Variants in KMT2C observed in about 807,000 individuals in gnomAD.
KMT2C encodes the protein histone-lysine N-methyltransferase 2C.
In KMT2C, 88 loss-of-function variants were observed where a neutral mutation model predicts 507.9. The ratio of observed to expected loss-of-function variants is 0.17; its 90% CI spans 0.15 to 0.21. The LOEUF (loss-of-function observed/expected upper bound fraction) is 0.21. KMT2C is among the 10% of genes least tolerant of loss of function. KMT2C has a pLI of 1.00. For missense variants in KMT2C, 4,954 were observed against 5,957.8 expected (o/e 0.83, Z 5.55); for synonymous variants, 2,049 against 2,080.8 (o/e 0.98, Z 0.42).
At chr7:152,311,720 T>G (rs541603861) in intron 5 of KMT2C, 78 bp downstream of exon 5, 1 of 1,004,442 alleles carries the variant, frequency 1.0e-6, no homozygotes, top group East Asian at 2.5e-5. Flanking sequence ...GTATTTATTA[T>G]TGAGGACATT....
At chr7:152,430,483 A>T (rs1015894596) in intron 1 of KMT2C, among the ~76,000 whole-genome samples, 1 of 152,212 alleles carries the variant, frequency 6.6e-6, no homozygotes, top group Non-Finnish European at 1.5e-5. Context: ...ATCACAACCT[A>T]ACGAGGGTAT....
chr7:152,255,112 TATA>T (rs1563605185), intron 9 of KMT2C, among the ~76,000 whole-genome samples: 1 of 69,122 alleles, frequency 1.4e-5, no homozygotes, highest in African/African-American at 1.3e-4. Context: ...CTCTCACTTA[TATA>T]TATATATATA....
At position 152,182,051 on chromosome 7, in the gene KMT2C, G is replaced by C. The variant is rs374061571; in HGVS notation, c.5809C>G (p.Gln1937Glu). Residue 1937 changes from glutamine to glutamate, a missense_variant, in exon 36 of 59, where the codon CAA becomes GAA. By Grantham distance (29) the Gln-to-Glu change is conservative. Transcript: ENST00000262189. ...CTATTTGCTGTTGTCTCATTCATTT[G>C]AAGGGGCCTAGATACCGATGATAAA... Reference protein sequence around the residue: ...TPLSSVSRPLQMNETTANRPS... With the variant: ...TPLSSVSRPLEMNETTANRPS... 3.1e-6 allele frequency: 5 copies of C among 1,614,182 alleles called. No homozygotes were observed. Among genetic ancestry groups the C allele is most frequent in the Non-Finnish European group, 4.2e-6 (5 of 1,180,032 alleles).
rs59181675 is a variant in KMT2C, at chr7:152,377,734, C to CAAAAAA, written c.162-19065_162-19060dup. The stretch of plus-strand genomic sequence containing the variant: ...AGGGCGACAAAGCGAGACTCCGTCT[C>CAAAAAA]AAAAAAAAAAAAAAAAAAAAGTGAT... On this transcript the variant is annotated intron_variant, in intron 1 of 58. Coordinates refer to ENST00000262189, the MANE Select transcript of KMT2C (RefSeq NM_170606.3). Among the ~76,000 whole-genome samples, 168 of 62,602 alleles carry CAAAAAA rather than the reference C, an allele frequency of 2.7e-3. 6 individuals are homozygous for CAAAAAA. The highest frequency in any genetic ancestry group is 6.8e-3 in the African/African-American group (142 of 20,764). The allele number at this position is 62,602 out of a possible 152,430, so 41.1% of individuals were successfully genotyped here. A position where few individuals can be genotyped will look rare whatever the true frequency, so the allele number is the denominator to read the frequency against.
intron 52 of KMT2C, among the ~76,000 whole-genome samples, chr7:152,147,723 A>AAAAAAGAAAAAG (rs893257742): frequency 7.5e-6 from 1 of 133,926 alleles, no homozygotes. Context: ...AAAAAAAAAA[A>AAAAAAGAAAAAG]AAAAAGAAAA....
intron 16 of KMT2C, among the ~76,000 whole-genome samples, chr7:152,232,764 C>G (rs941352797): frequency 6.7e-6 from 1 of 149,050 alleles, no homozygotes; most frequent in Admixed American, 6.6e-5. Flanking sequence ...AAAGTAGAAT[C>G]ATCATCATCA....
At position 152,303,108 on chromosome 7, in the gene KMT2C, CA is replaced by C. The variant is rs933387958; in HGVS notation, c.849+6857del. On this transcript the variant is annotated intron_variant, in intron 6 of 58. Transcript: ENST00000262189. ...AAAAACGACGTTACCCTTCCTGAAA[CA>C]CAGATTCACTGTTTGCCATGTTCTT... 2.6e-4 allele frequency among the ~76,000 whole-genome samples: 40 copies of C among 152,132 alleles called. 1 individual carries two copies. The highest frequency in any genetic ancestry group is 2.6e-3 in the Admixed American group (40 of 15,280).
chr7:152,267,203 C>A, intron 7 of KMT2C, among the ~76,000 whole-genome samples: 1 of 152,258 alleles, frequency 6.6e-6, no homozygotes. Flanking sequence ...ACTCTCATGC[C>A]ATAAAATGCC....
chr7:152,314,408 C>T (rs1258215447), intron 4 of KMT2C, among the ~76,000 whole-genome samples: 1 of 152,038 alleles, frequency 6.6e-6, no homozygotes, highest in South Asian at 2.1e-4. Context: ...CCAGCACAGC[C>T]AAGTCTCCAT....
intron 6 of KMT2C, among the ~76,000 whole-genome samples, chr7:152,295,269 A>G (rs529493090): frequency 6.6e-6 from 1 of 152,330 alleles, no homozygotes; most frequent in African/African-American, 2.4e-5. Context: ...GGCTGGGGGA[A>G]TTTAGATCAT....
chr7:152,283,112 C>T (rs958016601), intron 6 of KMT2C, among the ~76,000 whole-genome samples: 1 of 152,262 alleles, frequency 6.6e-6, no homozygotes, highest in African/African-American at 2.4e-5. Context: ...GATATCTGTC[C>T]TTAGCCAAAA....
intron 1 of KMT2C, among the ~76,000 whole-genome samples, chr7:152,382,447 T>A (rs892725338): frequency 6.6e-6 from 1 of 152,114 alleles, no homozygotes; most frequent in Non-Finnish European, 1.5e-5. Flanking sequence ...CAGTCACCAT[T>A]ACCTGCCCTT....
At chr7:152,376,250 C>T (rs1451843995) in intron 1 of KMT2C, among the ~76,000 whole-genome samples, 1 of 152,204 alleles carries the variant, frequency 6.6e-6, no homozygotes, top group Admixed American at 6.5e-5. Flanking sequence ...GTTTCCCCAA[C>T]ACACAACCAT....
intron 9 of KMT2C, among the ~76,000 whole-genome samples, chr7:152,253,651 T>C (rs1347200280): frequency 6.6e-6 from 1 of 150,952 alleles, no homozygotes. Flanking sequence ...CTCACGCCAC[T>C]ACACTCAAGC....
At chr7:152,288,471 T>C (rs2096347644) in intron 6 of KMT2C, among the ~76,000 whole-genome samples, 2 of 152,012 alleles carry the variant, frequency 1.3e-5, no homozygotes, top group Middle Eastern at 3.2e-3. Context: ...GGGCGGAGTT[T>C]GCAGTGAGCT....
At position 152,192,911 on chromosome 7, in the gene KMT2C, C is replaced by T. The variant is rs556113464; in HGVS notation, c.4660+1098G>A. Among the ~76,000 whole-genome samples, 7 of 152,246 alleles carry T rather than the reference C, an allele frequency of 4.6e-5. No homozygotes were observed. In the East Asian group the frequency reaches 1.2e-3, roughly 25 times the overall value. On this transcript the variant is annotated intron_variant, in intron 31 of 58. Transcript: ENST00000262189. ...TATACTAGCTGCGCACAGAGGGCCA[C>T]GCCTGTAATCCCAGCACTTTGGGAG...
At chr7:152,183,574 C>T (rs1161256069) in intron 34 of KMT2C, among the ~76,000 whole-genome samples, 1 of 151,994 alleles carries the variant, frequency 6.6e-6, no homozygotes, top group Non-Finnish European at 1.5e-5. Context: ...TCAGCCTGAC[C>T]AACATGGTGA....
chr7:152,377,950 T>C (rs201714803), intron 1 of KMT2C, among the ~76,000 whole-genome samples: 22 of 152,268 alleles, frequency 1.4e-4, no homozygotes, highest in Non-Finnish European at 2.6e-4. Flanking sequence ...GAGGAAGTCA[T>C]TGCAGATGTA....
intron 6 of KMT2C, among the ~76,000 whole-genome samples, chr7:152,281,425 A>AT (rs2096206098): frequency 1.3e-5 from 2 of 152,176 alleles, no homozygotes; most frequent in African/African-American, 4.8e-5. Context: ...CAAGTACTTT[A>AT]TAAGAATTAC....
Sources: gnomAD v4.1 joint callset for allele counts (sites outside exome capture counted in the v4.1 genomes callset) on GRCh38, gnomAD v4.1.1 for gene constraint, MANE v1.5 for transcripts, NCBI Gene and HGNC (gene_info 2026-07-23, HGNC 2026-07-21) for gene names.